Variants in SDK1 observed in about 807,000 individuals in gnomAD.
SDK1 encodes protein sidekick-1.
In SDK1, 157 loss-of-function variants were observed where a neutral mutation model predicts 245.5. That is an observed-to-expected ratio of 0.64 (90% CI 0.56 to 0.73). SDK1 has a LOEUF of 0.73. SDK1 is among the 30% of genes least tolerant of loss of function. The probability of loss-of-function intolerance (pLI) is 0.00; values close to 1 mark genes in which losing one functional copy is unlikely to be tolerated. For synonymous variants in SDK1, 1,647 were observed against 1,278.5 expected (o/e 1.29, Z -6.15); for missense variants, 3,583 against 3,002.3 (o/e 1.19, Z -4.52).
At chr7:3,802,845 C>G (rs940651225) in intron 4 of SDK1, among the ~76,000 whole-genome samples, 9 of 152,278 alleles carry the variant, frequency 5.9e-5, no homozygotes, top group Admixed American at 2.6e-4. Flanking sequence ...CAGTTTAACT[C>G]TTCACCAATT....
At chr7:3,905,241 T>G (rs1336507363) in intron 5 of SDK1, among the ~76,000 whole-genome samples, 1 of 152,152 alleles carries the variant, frequency 6.6e-6, no homozygotes, top group African/African-American at 2.4e-5. Flanking sequence ...TCTGTCAGTC[T>G]CCTATATGGA....
chr7:3,958,377 C>T, intron 7 of SDK1: 1 of 215,880 alleles, frequency 4.6e-6, no homozygotes, highest in Non-Finnish European at 9.3e-6. Flanking sequence ...ATTGCAAGTG[C>T]CTAGGAGTTT....
chr7:3,741,809 C>T (rs1244306534), intron 4 of SDK1, among the ~76,000 whole-genome samples: 2 of 152,076 alleles, frequency 1.3e-5, no homozygotes, highest in African/African-American at 4.8e-5. Flanking sequence ...CATAAACACA[C>T]ACATTCACAC....
At chr7:4,125,802 A>C (rs890585768) in intron 25 of SDK1, among the ~76,000 whole-genome samples, 6 of 152,212 alleles carry the variant, frequency 3.9e-5, no homozygotes, top group African/African-American at 1.2e-4. Flanking sequence ...CCTGCTGACC[A>C]ACAAGTGCTG....
chr7:3,857,199 G>C (rs1337422949), intron 5 of SDK1, among the ~76,000 whole-genome samples: 2 of 152,146 alleles, frequency 1.3e-5, no homozygotes, highest in African/African-American at 2.4e-5. Context: ...GAAGCATTAA[G>C]TTTGAAGTCT....
chr7:4,207,905 C>T (rs899061147), intron 36 of SDK1, among the ~76,000 whole-genome samples, 194 bp from the exon 37 acceptor site: 1 of 152,160 alleles, frequency 6.6e-6, no homozygotes, highest in Non-Finnish European at 1.5e-5. Context: ...CATTAGCAGC[C>T]AGGGGTCCCC....
intron 44 of SDK1, among the ~76,000 whole-genome samples, chr7:4,248,409 A>C (rs1171697239): frequency 6.6e-6 from 1 of 152,018 alleles, no homozygotes; most frequent in Non-Finnish European, 1.5e-5. Flanking sequence ...ATATGTACAC[A>C]TACACACATG....
Position 3,391,568 on chromosome 7 carries a change from A to G in SDK1, c.298+89684A>G, listed in dbSNP as rs113930206. Among the ~76,000 whole-genome samples, 31 of 152,054 alleles carry G rather than the reference A, an allele frequency of 2.0e-4. 1 individual carries two copies. Among genetic ancestry groups the G allele is most frequent in the African/African-American group, 6.0e-4 (25 of 41,484 alleles). ...ATGTTTAAAAACAATTTAAAAGTAT[A>G]TATATGTACAGTGGCACTGGCTTTC... is the stretch of plus-strand genomic sequence containing the variant. On this transcript the variant is annotated intron_variant, in intron 1 of 44. Transcript: ENST00000404826.
At chr7:3,652,215 G>A (rs1031744636) in intron 4 of SDK1, among the ~76,000 whole-genome samples, 1 of 152,210 alleles carries the variant, frequency 6.6e-6, no homozygotes, top group African/African-American at 2.4e-5. Context: ...CTGAGGACAC[G>A]AAGTCAAGAG....
chr7:4,098,835 T>C (rs1337029638), intron 22 of SDK1, among the ~76,000 whole-genome samples: 2 of 140,180 alleles, frequency 1.4e-5, no homozygotes, highest in East Asian at 4.2e-4. Context: ...TTTTTTTTTT[T>C]TTTTTTTTTT....
At chr7:3,458,616 G>T (rs1295114517) in intron 1 of SDK1, among the ~76,000 whole-genome samples, 2 of 151,916 alleles carry the variant, frequency 1.3e-5, no homozygotes, top group Admixed American at 1.3e-4. Flanking sequence ...AACCTACCTG[G>T]AATGGATTTT....
chr7:3,831,844 C>G (rs1186678281), intron 5 of SDK1, among the ~76,000 whole-genome samples: 2 of 152,000 alleles, frequency 1.3e-5, no homozygotes, highest in African/African-American at 4.8e-5. Context: ...CCCAGGAGTT[C>G]AAGACCAGTC....
chr7:4,082,213 C>G (rs11976431), intron 22 of SDK1, among the ~76,000 whole-genome samples: 57,990 of 151,908 alleles, frequency 0.38, 15,376 homozygotes, highest in African/African-American at 0.76. Flanking sequence ...ATACACCAGT[C>G]GTCTGTGAGC....
At chr7:3,918,602 T>C (rs1432271161) in intron 5 of SDK1, among the ~76,000 whole-genome samples, 4 of 152,198 alleles carry the variant, frequency 2.6e-5, no homozygotes, top group South Asian at 2.1e-4. Context: ...GTAATAATCA[T>C]AGAAATAAAG....
intron 4 of SDK1, among the ~76,000 whole-genome samples, chr7:3,810,435 G>A (rs369416071): frequency 1.9e-4 from 29 of 151,820 alleles, no homozygotes; most frequent in African/African-American, 5.6e-4. Flanking sequence ...CCTTCATGCC[G>A]TTCCTCTGCA....
At chr7:3,319,079 A>G (rs1369872537) in intron 1 of SDK1, among the ~76,000 whole-genome samples, 1 of 152,154 alleles carries the variant, frequency 6.6e-6, no homozygotes, top group Non-Finnish European at 1.5e-5. Context: ...GCATTGTTAA[A>G]TTAATTGGCA....
At chr7:4,138,922 A>T (rs1779275917) in intron 28 of SDK1, among the ~76,000 whole-genome samples, 1 of 152,044 alleles carries the variant, frequency 6.6e-6, no homozygotes, top group Non-Finnish European at 1.5e-5. Context: ...ATCACCTGGG[A>T]CTCTGCCCAG....
intron 4 of SDK1, among the ~76,000 whole-genome samples, chr7:3,657,247 G>A (rs962556820): frequency 6.6e-6 from 1 of 152,190 alleles, no homozygotes; most frequent in Non-Finnish European, 1.5e-5. Flanking sequence ...GATCAAGGCA[G>A]TCGTACAAAG....
chr7:3,561,524 C>T lies in SDK1; in HGVS notation c.299-57556C>T, dbSNP rs556630737. 4.6e-5 allele frequency among the ~76,000 whole-genome samples: 7 copies of T among 152,204 alleles called. No individual in the cohort carries two copies. In the South Asian group the frequency reaches 1.5e-3, roughly 32 times the overall value. Reference sequence around the variant, plus strand: ...ACTGTTTTCCCTGTGGGTAGGCCACCCCTAAGGTGGTGGTGGTGGTGTTTA... The same window carrying T: ...ACTGTTTTCCCTGTGGGTAGGCCACTCCTAAGGTGGTGGTGGTGGTGTTTA... On this transcript the variant is annotated intron_variant, in intron 1 of 44. Coordinates refer to ENST00000404826, the MANE Select transcript of SDK1 (RefSeq NM_152744.4).
Sources: allele counts gnomAD v4.1 joint callset (sites outside exome capture counted in the v4.1 genomes callset), GRCh38; gene constraint gnomAD v4.1.1; transcripts MANE v1.5; gene names NCBI Gene and HGNC (gene_info 2026-07-23, HGNC 2026-07-21).